RAB38: variants seen among roughly 807,000 people sequenced by gnomAD.
The protein encoded by RAB38 is RAB38, member RAS oncogene family, also known as ras-related protein Rab-38.
A neutral mutation model predicts 18.4 loss-of-function variants in RAB38; 15 were observed. That is an observed-to-expected ratio of 0.82 (90% CI 0.55 to 1.26). RAB38 has a LOEUF of 1.26. RAB38 is among the 50% of genes most tolerant of loss of function. The probability of loss-of-function intolerance (pLI) is 0.00; values close to 1 mark genes in which losing one functional copy is unlikely to be tolerated. For synonymous variants in RAB38, 101 were observed against 104.4 expected (o/e 0.97, Z 0.20); for missense variants, 294 against 267.4 (o/e 1.10, Z -0.69).
At chr11:87,860,184 A>T in the RAB38 span, among the ~76,000 whole-genome samples, 2 of 152,004 alleles carry the variant, frequency 1.3e-5, no homozygotes, top group East Asian at 1.9e-4. Flanking sequence ...AATCATAAGG[A>T]TGTTCATCAT....
At chr11:87,886,549 CAGTT>C in the RAB38 span, among the ~76,000 whole-genome samples, 4 of 151,920 alleles carry the variant, frequency 2.6e-5, no homozygotes, top group Admixed American at 2.6e-4. Context: ...AGCACACTAG[CAGTT>C]GGTTGGTTAA....
the RAB38 span, among the ~76,000 whole-genome samples, chr11:87,925,961 A>G: frequency 1.3e-3 from 201 of 152,094 alleles, 1 homozygote; most frequent in African/African-American, 4.7e-3. Context: ...CGGAGGGAAC[A>G]GCAATGTCTT....
At chr11:88,051,146 C>T in the RAB38 span, among the ~76,000 whole-genome samples, 2 of 151,884 alleles carry the variant, frequency 1.3e-5, no homozygotes, top group African/African-American at 2.4e-5. Flanking sequence ...TTTCTGTACC[C>T]AAGAAATGTG....
chr11:87,920,013 A>G, the RAB38 span, among the ~76,000 whole-genome samples: 14,957 of 151,326 alleles, frequency 0.099, 938 homozygotes, highest in Admixed American at 0.22. Flanking sequence ...TATTTATTTG[A>G]GTCTTCTCCC....
chr11:88,174,217 T>C, intron 1 of RAB38: 1 of 460,622 alleles, frequency 2.2e-6, no homozygotes, highest in Non-Finnish European at 2.9e-6. Context: ...GGTTAGTTAG[T>C]GGCAGGGCTA....
At chr11:88,139,676 C>A (rs561891527) in intron 2 of RAB38, among the ~76,000 whole-genome samples, 1 of 152,276 alleles carries the variant, frequency 6.6e-6, no homozygotes, top group Admixed American at 6.5e-5. Flanking sequence ...GTAAAAATCA[C>A]CAAAGGAGTG....
At chr11:87,836,035 T>C in the RAB38 span, among the ~76,000 whole-genome samples, 2 of 152,168 alleles carry the variant, frequency 1.3e-5, no homozygotes, top group African/African-American at 4.8e-5. Context: ...TCAAAATATC[T>C]ACATAATATA....
At chr11:88,040,404 T>C in the RAB38 span, among the ~76,000 whole-genome samples, 1 of 152,128 alleles carries the variant, frequency 6.6e-6, no homozygotes, top group African/African-American at 2.4e-5. Context: ...CATTCTACCT[T>C]AATTACCCCC....
chr11:88,113,023 G>A (rs1942494443), downstream of RAB38, among the ~76,000 whole-genome samples: 1 of 151,888 alleles, frequency 6.6e-6, no homozygotes, highest in South Asian at 2.1e-4. Flanking sequence ...CTAAAAATAT[G>A]TATATGCACT....
the RAB38 span, among the ~76,000 whole-genome samples, chr11:87,803,878 C>T: frequency 5.9e-5 from 9 of 152,204 alleles, no homozygotes; most frequent in Admixed American, 1.3e-4. Flanking sequence ...TCCGTTAGGC[C>T]CCAAGGCCTG....
chr11:87,886,745 G>A, the RAB38 span, among the ~76,000 whole-genome samples: 2 of 150,930 alleles, frequency 1.3e-5, no homozygotes, highest in Non-Finnish European at 3.0e-5. Context: ...GGTTGAGAAA[G>A]AAAGATGAGC....
At chr11:88,120,356 T>C (rs576111998) in intron 2 of RAB38, among the ~76,000 whole-genome samples, 1 of 152,282 alleles carries the variant, frequency 6.6e-6, no homozygotes, top group South Asian at 2.1e-4. Context: ...CTTCTTAGAG[T>C]CTATGGCCTA....
intron 2 of RAB38, among the ~76,000 whole-genome samples, chr11:88,132,181 TATTC>T (rs1266796380): frequency 3.9e-5 from 6 of 152,192 alleles, no homozygotes; most frequent in Non-Finnish European, 7.3e-5. Flanking sequence ...AAATGTGTGT[TATTC>T]TAAGCTGTCA....
At chr11:87,878,251 C>CATCTATCTATCTATCT in the RAB38 span, among the ~76,000 whole-genome samples, 75 of 103,436 alleles carry the variant, frequency 7.3e-4, 1 homozygote, top group Non-Finnish European at 1.0e-3. Flanking sequence ...ACACACCTAT[C>CATCTATCTATCTATCT]ATCTATCTAT....
chr11:88,070,060 C>A, the RAB38 span, among the ~76,000 whole-genome samples: 1 of 152,138 alleles, frequency 6.6e-6, no homozygotes, highest in Non-Finnish European at 1.5e-5. Context: ...CTCTGGGTCC[C>A]CTTCCACACT....
the RAB38 span, among the ~76,000 whole-genome samples, chr11:87,975,856 G>A: frequency 2.0e-5 from 3 of 151,478 alleles, no homozygotes; most frequent in African/African-American, 7.3e-5. Flanking sequence ...AAGAAAAAAA[G>A]AGAAACAACA....
At chr11:87,823,619 T>A in the RAB38 span, among the ~76,000 whole-genome samples, 2 of 152,154 alleles carry the variant, frequency 1.3e-5, no homozygotes, top group African/African-American at 4.8e-5. Flanking sequence ...CACATGTCAA[T>A]TGATTTTTGA....
chr11:87,855,367 C>G, the RAB38 span, among the ~76,000 whole-genome samples: 155 of 152,238 alleles, frequency 1.0e-3, no homozygotes, highest in African/African-American at 3.7e-3. Flanking sequence ...TAATCTCTTG[C>G]TCTTCCATTT....
intron 2 of RAB38, among the ~76,000 whole-genome samples, chr11:88,118,219 T>C (rs1942583344): frequency 6.6e-6 from 1 of 152,218 alleles, no homozygotes; most frequent in African/African-American, 2.4e-5. Flanking sequence ...GGTAGGAGCA[T>C]GCAACCAGGA....
Sources: allele counts gnomAD v4.1 joint callset (sites outside exome capture counted in the v4.1 genomes callset), GRCh38; gene constraint gnomAD v4.1.1; transcripts MANE v1.5; gene names NCBI Gene and HGNC (gene_info 2026-07-23, HGNC 2026-07-21).